CADM1: variants seen among roughly 807,000 people sequenced by gnomAD.
The protein encoded by CADM1 is cell adhesion molecule 1, also known as TSLC-1.
Under a neutral mutation model 53.1 loss-of-function variants are expected in CADM1, and 15 were observed. The observed-to-expected ratio is 0.28, with a 90% CI of 0.19 to 0.44. The LOEUF is 0.44. CADM1 is among the 20% of genes least tolerant of loss of function. CADM1 has a pLI of 1.00. For missense variants in CADM1, 434 were observed against 611.3 expected, an observed-to-expected ratio of 0.71 and a Z score of 3.06; for synonymous variants, 281 against 243.0, an observed-to-expected ratio of 1.16 and a Z score of -1.45.
At chr11:115,219,926 C>T (rs555980358) in intron 5 of CADM1, among the ~76,000 whole-genome samples, 3 of 152,254 alleles carry the variant, frequency 2.0e-5, no homozygotes, top group African/African-American at 7.2e-5. Flanking sequence ...ACAGTTCATA[C>T]CCAGAAACAG....
intron 1 of CADM1, among the ~76,000 whole-genome samples, chr11:115,336,210 C>CTAA: frequency 6.6e-6 from 1 of 152,196 alleles, no homozygotes; most frequent in East Asian, 1.9e-4. Flanking sequence ...CAGTTTAGTG[C>CTAA]CACTAACTCG....
intron 11 of CADM1, 22 bp from the exon 12 acceptor site, chr11:115,176,614 C>T: frequency 1.3e-6 from 2 of 1,594,670 alleles, no homozygotes; most frequent in Non-Finnish European, 1.7e-6. Context: ...AGGGGTAAAG[C>T]ACCGTGACTG....
intron 1 of CADM1, among the ~76,000 whole-genome samples, chr11:115,338,687 T>C (rs749813038): frequency 4.6e-5 from 7 of 152,100 alleles, no homozygotes; most frequent in Non-Finnish European, 8.8e-5. Context: ...GTGTGTGCTA[T>C]GGCTCAACTC....
chr11:115,227,474 A>T (rs1296675592), intron 5 of CADM1, among the ~76,000 whole-genome samples: 1 of 152,196 alleles, frequency 6.6e-6, no homozygotes, highest in African/African-American at 2.4e-5. Flanking sequence ...TCTACTCAGG[A>T]CGTACAAAGG....
intron 1 of CADM1, among the ~76,000 whole-genome samples, chr11:115,309,564 G>A (rs948537124): frequency 6.6e-6 from 1 of 152,034 alleles, no homozygotes; most frequent in Non-Finnish European, 1.5e-5. Context: ...TGTCAGTTAG[G>A]AAACACGTAT....
At chr11:115,279,422 C>G (rs1234498258) in intron 1 of CADM1, among the ~76,000 whole-genome samples, 5 of 152,138 alleles carry the variant, frequency 3.3e-5, no homozygotes, top group Admixed American at 6.5e-5. Context: ...TGTACACAGT[C>G]CCAATTTTCT....
rs762906875 is a variant in CADM1, at chr11:115,198,390, G to T, written c.1111+16C>A. 1 of 1,588,728 alleles carries T rather than the reference G, an allele frequency of 6.3e-7. No individual in the cohort carries two copies. Among genetic ancestry groups the T allele is most frequent in the Non-Finnish European group, 8.5e-7 (1 of 1,173,390 alleles). On this transcript the variant is annotated intron_variant, in intron 9 of 11. Transcript: ENST00000331581. ...GCAGTGCTGAGAAAGTAGATAAACA[G>T]TAATGTGATACCAACCGTGAACTGC...
intron 1 of CADM1, among the ~76,000 whole-genome samples, chr11:115,357,018 C>CA (rs1945891233): frequency 6.6e-6 from 1 of 152,114 alleles, no homozygotes; most frequent in African/African-American, 2.4e-5. Flanking sequence ...TACTGGCTTA[C>CA]AAAAATCAAC....
intron 1 of CADM1, among the ~76,000 whole-genome samples, chr11:115,426,994 G>C (rs192986656): frequency 5.5e-4 from 83 of 152,064 alleles, no homozygotes; most frequent in Non-Finnish European, 9.0e-4. Context: ...ATAATGAAAC[G>C]ATCTTTAGTT....
At chr11:115,276,222 T>A (rs1017293010) in intron 1 of CADM1, among the ~76,000 whole-genome samples, 1 of 152,248 alleles carries the variant, frequency 6.6e-6, no homozygotes, top group African/African-American at 2.4e-5. Flanking sequence ...ATTTACATTT[T>A]TCACAGATGC....
At chr11:115,458,464 G>A (rs956814063) in intron 1 of CADM1, among the ~76,000 whole-genome samples, 9 of 149,850 alleles carry the variant, frequency 6.0e-5, no homozygotes, top group Admixed American at 5.4e-4. Context: ...GTGCTTGGCA[G>A]GCAGTAGGTA....
chr11:115,351,400 G>A (rs1190545190), intron 1 of CADM1, among the ~76,000 whole-genome samples: 1 of 152,194 alleles, frequency 6.6e-6, no homozygotes, highest in Non-Finnish European at 1.5e-5. Flanking sequence ...TTGATAGCAT[G>A]AGGCACTAAC....
At chr11:115,260,480 C>T (rs1289457673) in intron 1 of CADM1, among the ~76,000 whole-genome samples, 1 of 152,194 alleles carries the variant, frequency 6.6e-6, no homozygotes, top group Non-Finnish European at 1.5e-5. Context: ...ATCTTTGTGC[C>T]TGGTGGCCTG....
intron 9 of CADM1, among the ~76,000 whole-genome samples, chr11:115,197,250 G>T (rs1940202041): frequency 6.6e-6 from 1 of 152,202 alleles, no homozygotes; most frequent in South Asian, 2.1e-4. Context: ...GTTATCAAAT[G>T]TAGGTCTCTA....
intron 10 of CADM1, among the ~76,000 whole-genome samples, chr11:115,180,399 A>C (rs1939254334): frequency 6.6e-6 from 1 of 152,200 alleles, no homozygotes; most frequent in African/African-American, 2.4e-5. Context: ...GGACAACAGG[A>C]TGATGGGAGT....
intron 8 of CADM1, among the ~76,000 whole-genome samples, chr11:115,209,216 C>A (rs1478538960): frequency 6.6e-6 from 1 of 152,170 alleles, no homozygotes; most frequent in Admixed American, 6.5e-5. Context: ...AAGACAGAGA[C>A]AAGATTGAAA....
chr11:115,457,995 T>C (rs961705654), intron 1 of CADM1, among the ~76,000 whole-genome samples: 1 of 152,120 alleles, frequency 6.6e-6, no homozygotes, highest in African/African-American at 2.4e-5. Context: ...AGAGACCTTT[T>C]GCATCCAAGA....
intron 1 of CADM1, among the ~76,000 whole-genome samples, chr11:115,414,959 T>C (rs1039235644): frequency 3.9e-5 from 6 of 152,242 alleles, no homozygotes; most frequent in Non-Finnish European, 8.8e-5. Context: ...TTTCTAGGCA[T>C]CAATTATCCC....
intron 1 of CADM1, among the ~76,000 whole-genome samples, chr11:115,405,946 T>G (rs766568017): frequency 4.6e-5 from 7 of 152,150 alleles, no homozygotes; most frequent in Non-Finnish European, 8.8e-5. Context: ...GGCATAGTGT[T>G]AAGATGTGAC....
Sources: allele counts gnomAD v4.1 joint callset (sites outside exome capture counted in the v4.1 genomes callset), GRCh38; gene constraint gnomAD v4.1.1; transcripts MANE v1.5; gene names NCBI Gene and HGNC (gene_info 2026-07-23, HGNC 2026-07-21).